The following WDFY4 variants were observed in gnomAD, a reference collection of about 807,000 sequenced individuals.
The protein encoded by WDFY4 is WD repeat- and FYVE domain-containing protein 4.
Under a neutral mutation model 351.9 loss-of-function variants are expected in WDFY4, and 169 were observed. That is an observed-to-expected ratio of 0.48 (90% CI 0.42 to 0.55). WDFY4 has a LOEUF of 0.55. Ranked by LOEUF, WDFY4 falls within the 20% of genes least tolerant of loss-of-function variation. The probability of loss-of-function intolerance (pLI) is 0.00; values close to 1 mark genes in which losing one functional copy is unlikely to be tolerated. For synonymous variants in WDFY4, 1,622 were observed against 1,574.6 expected (o/e 1.03, Z -0.71); for missense variants, 3,803 against 3,935.6 (o/e 0.97, Z 0.90).
chr10:48,897,296 G>A (rs1837129987), intron 44 of WDFY4, among the ~76,000 whole-genome samples, 158 bp from the exon 45 acceptor site: 1 of 152,236 alleles, frequency 6.6e-6, no homozygotes, highest in Non-Finnish European at 1.5e-5. Context: ...TCTCAGATGA[G>A]TAGGGCTAGC....
intron 1 of WDFY4, among the ~76,000 whole-genome samples, chr10:48,698,197 G>A (rs1353222815): frequency 6.6e-6 from 1 of 152,218 alleles, no homozygotes; most frequent in Non-Finnish European, 1.5e-5. Context: ...ATGGCATGAG[G>A]AGCAGGAGCC....
Position 48,890,632 on chromosome 10 carries a change from G to A in WDFY4, c.7221G>A (p.Gly2407=). ...TGCAGGGCCACCTGGTGTCAGAAGG[G>A]GTCCTGCTTTTTGGCCACCAACACT... ...VIVQGHLVSE[G]VLLFGHQHFY... Residue 2407 remains glycine (G), a synonymous_variant, in exon 44 of 62, where the codon GGG becomes GGA. Transcript: ENST00000325239. The A allele has an allele frequency of 1.9e-6, 3 of 1,551,610 alleles. No homozygotes were observed. Among genetic ancestry groups the A allele is most frequent in the Non-Finnish European group, 2.6e-6 (3 of 1,146,972 alleles).
At chr10:48,790,631 C>T in intron 22 of WDFY4, 96 bp from the exon 23 acceptor site, 1 of 1,370,400 alleles carries the variant, frequency 7.3e-7, no homozygotes. Context: ...TGGATGGTGG[C>T]ACTGGTAGCT....
At chr10:48,827,553 A>T (rs991401082) in intron 36 of WDFY4, among the ~76,000 whole-genome samples, 10 of 148,526 alleles carry the variant, frequency 6.7e-5, no homozygotes, top group African/African-American at 2.5e-4. Flanking sequence ...TGCATGAACC[A>T]CATTCTCCAG....
At chr10:48,752,103 T>A (rs538913530) in intron 12 of WDFY4, among the ~76,000 whole-genome samples, 4 of 152,328 alleles carry the variant, frequency 2.6e-5, no homozygotes, top group African/African-American at 7.2e-5. Context: ...GATCAGTGTC[T>A]GCCATCCTTG....
intron 58 of WDFY4, 22 bp downstream of exon 58, chr10:48,975,063 G>A: frequency 6.4e-7 from 1 of 1,551,684 alleles, no homozygotes; most frequent in South Asian, 1.2e-5. Context: ...GTTTCTCAGT[G>A]TCCGTGTCCT....
At chr10:48,783,474 T>C (rs2066294375) in intron 19 of WDFY4, among the ~76,000 whole-genome samples, 1 of 151,534 alleles carries the variant, frequency 6.6e-6, no homozygotes, top group Admixed American at 6.6e-5. Flanking sequence ...ATATGTACAA[T>C]TGTATATATC....
Position 48,963,996 on chromosome 10 carries a change from C to A in WDFY4, c.8378C>A (p.Pro2793His), listed in dbSNP as rs1290194261. Residue 2793 changes from proline to histidine, a missense_variant, in exon 54 of 62, where the codon CCC becomes CAC. Pro to His is a moderately conservative substitution (Grantham distance 77). This residue lies in a region of WDFY4 where 3,054 missense variants were observed against 3,148.6 expected (regional missense o/e 0.97). Transcript: ENST00000325239. ...ATGGACCTCAGCAGCATCACTGACC[C>A]CCTCATCAAAAGCACCATCCTGGGG... ...DRMDLSSITD[P>H]LIKSTILGFV... is the part of the protein sequence containing the mutation. 1 of 1,550,474 alleles carries A rather than the reference C, an allele frequency of 6.4e-7. No homozygotes were observed. Among genetic ancestry groups the A allele is most frequent in the South Asian group, 1.2e-5 (1 of 83,990 alleles).
At chr10:48,901,012 T>G (rs1837323948) in intron 46 of WDFY4, among the ~76,000 whole-genome samples, 1 of 152,098 alleles carries the variant, frequency 6.6e-6, no homozygotes, top group African/African-American at 2.4e-5. Flanking sequence ...TGAGGTGAGA[T>G]TTGATATCCC....
At chr10:48,838,001 G>A (rs1166834736) in intron 39 of WDFY4, among the ~76,000 whole-genome samples, 2 of 152,196 alleles carry the variant, frequency 1.3e-5, no homozygotes, top group African/African-American at 4.8e-5. Flanking sequence ...ACAATTCCAT[G>A]GCTTTAGGAG....
At chr10:48,969,980 T>C (rs554341507) in intron 56 of WDFY4, 151 bp from the exon 57 acceptor site, 7 of 965,160 alleles carry the variant, frequency 7.3e-6, no homozygotes, top group South Asian at 6.9e-5. Flanking sequence ...CAGGATGGTC[T>C]GGATTTTGTC....
Position 48,778,647 on chromosome 10 carries a change from CCTT to C in WDFY4, c.3215_3217del (p.Phe1072del). On this transcript the variant is annotated inframe_deletion, in exon 18 of 62. Transcript: ENST00000325239. The stretch of plus-strand genomic sequence containing the variant: ...CCGTTCCCTCCTCCTGGAGGTCTGA[CCTT>C]CTCCTGCTGGTTCCTGATCAGCCGG... 1 of 1,551,580 alleles carries C rather than the reference CCTT, an allele frequency of 6.4e-7. No homozygotes were observed. Among genetic ancestry groups the C allele is most frequent in the Non-Finnish European group, 8.7e-7 (1 of 1,147,014 alleles).
chr10:48,821,968 A>G (rs2067838390), intron 34 of WDFY4, among the ~76,000 whole-genome samples: 1 of 152,218 alleles, frequency 6.6e-6, no homozygotes. Flanking sequence ...ATCATCACAC[A>G]CATGGCTGAG....
At chr10:48,955,856 C>T (rs905782027) in intron 51 of WDFY4, among the ~76,000 whole-genome samples, 28 of 152,064 alleles carry the variant, frequency 1.8e-4, no homozygotes, top group African/African-American at 6.0e-4. Context: ...ACAGAGTGGG[C>T]ACTGCTGTGG....
intron 47 of WDFY4, among the ~76,000 whole-genome samples, chr10:48,911,325 G>A (rs965608167): frequency 2.6e-5 from 4 of 152,170 alleles, no homozygotes; most frequent in African/African-American, 7.2e-5. Flanking sequence ...TACGTTACTG[G>A]TAGGCGTATG....
intron 46 of WDFY4, among the ~76,000 whole-genome samples, chr10:48,901,471 C>T (rs1837348193): frequency 6.6e-6 from 1 of 152,244 alleles, no homozygotes; most frequent in Admixed American, 6.5e-5. Flanking sequence ...TTTGTCCTCA[C>T]AGCAACGCAC....
At chr10:48,699,226 C>T (rs1029958164) in intron 1 of WDFY4, among the ~76,000 whole-genome samples, 2 of 152,112 alleles carry the variant, frequency 1.3e-5, no homozygotes, top group Non-Finnish European at 1.5e-5. Flanking sequence ...TGGGGCCTGG[C>T]CATAGCCACT....
At chr10:48,783,437 TATGCAGGG>T in intron 19 of WDFY4, among the ~76,000 whole-genome samples, 1 of 151,880 alleles carries the variant, frequency 6.6e-6, no homozygotes, top group Non-Finnish European at 1.5e-5. Flanking sequence ...AACCCCCAGA[TATGCAGGG>T]CCAATTGTAC....
chr10:48,764,509 G>A (rs1261397813), intron 13 of WDFY4, among the ~76,000 whole-genome samples: 1 of 152,232 alleles, frequency 6.6e-6, no homozygotes, highest in East Asian at 1.9e-4. Context: ...AGCCATGAGT[G>A]TCTGTCATAA....
Sources: allele counts gnomAD v4.1 joint callset (sites outside exome capture counted in the v4.1 genomes callset), GRCh38; gene constraint gnomAD v4.1.1; regional missense constraint gnomAD v4.1.1; transcripts MANE v1.5; gene names NCBI Gene and HGNC (gene_info 2026-07-23, HGNC 2026-07-21).